SCRN1: variants seen among roughly 807,000 people sequenced by gnomAD.
SCRN1 encodes the protein secernin 1.
Under a neutral mutation model 43.3 loss-of-function variants are expected in SCRN1, and 19 were observed. That is an observed-to-expected ratio of 0.44 (90% CI 0.31 to 0.64). The LOEUF is 0.64. Ranked by LOEUF, SCRN1 falls within the 30% of genes least tolerant of loss-of-function variation. The pLI, the probability that SCRN1 is intolerant of heterozygous loss-of-function variation, is 0.09. For synonymous variants in SCRN1, 183 were observed against 188.9 expected, an observed-to-expected ratio of 0.97 and a Z score of 0.26; for missense variants, 447 against 524.1, an observed-to-expected ratio of 0.85 and a Z score of 1.44.
intron 4 of SCRN1, among the ~76,000 whole-genome samples, chr7:29,941,686 C>T (rs1362717101): frequency 1.3e-5 from 2 of 152,174 alleles, no homozygotes; most frequent in Non-Finnish European, 2.9e-5. Flanking sequence ...ATTCTGAGTA[C>T]ATTTCACTTT....
chr7:29,968,507 T>C lies in SCRN1; in HGVS notation c.159+402A>G, dbSNP rs1788568417. Among the ~76,000 whole-genome samples, 3 of 152,256 alleles carry C rather than the reference T, an allele frequency of 2.0e-5. No individual in the cohort carries two copies. In the South Asian group the frequency reaches 6.2e-4, roughly 32 times the overall value. ...AAAGGGACCAGGATGAATATGCACA[T>C]GTGTGTGTGATTTGTTACATATATA... On this transcript the variant is annotated intron_variant, in intron 2 of 7. Transcript: ENST00000242059.
At chr7:29,925,665 T>C (rs1358348544) in intron 7 of SCRN1, among the ~76,000 whole-genome samples, 3 of 152,140 alleles carry the variant, frequency 2.0e-5, no homozygotes, top group African/African-American at 7.2e-5. Flanking sequence ...ACCAAAGGTG[T>C]GGGACTGGGG....
chr7:29,929,068 G>A (rs1259614754), intron 6 of SCRN1, among the ~76,000 whole-genome samples: 6 of 152,142 alleles, frequency 3.9e-5, no homozygotes, highest in Admixed American at 3.3e-4. Context: ...ACAGACAGGC[G>A]TCCTACCCTT....
At chr7:29,982,436 T>G (rs1789017464) in intron 1 of SCRN1, among the ~76,000 whole-genome samples, 1 of 149,382 alleles carries the variant, frequency 6.7e-6, no homozygotes, top group African/African-American at 2.5e-5. Flanking sequence ...TCACAGTAGT[T>G]TGGGAGGCTG....
chr7:29,975,191 T>C (rs1025491370), intron 1 of SCRN1, among the ~76,000 whole-genome samples: 8 of 152,262 alleles, frequency 5.3e-5, no homozygotes, highest in Non-Finnish European at 8.8e-5. Context: ...AACTTATTTA[T>C]ATTCAGCTTT....
At chr7:29,951,369 G>C (rs1370325732) in intron 3 of SCRN1, among the ~76,000 whole-genome samples, 1 of 152,218 alleles carries the variant, frequency 6.6e-6, no homozygotes, top group Non-Finnish European at 1.5e-5. Context: ...ATGGGATCCA[G>C]GCCAGTAGCA....
chr7:29,983,375 C>T (rs924715609), intron 1 of SCRN1, among the ~76,000 whole-genome samples: 2 of 151,000 alleles, frequency 1.3e-5, no homozygotes, highest in Admixed American at 6.6e-5. Flanking sequence ...GTGGGTGCAG[C>T]GCACCGGCAT....
chr7:29,983,341 T>C (rs1789051921), intron 1 of SCRN1, among the ~76,000 whole-genome samples: 1 of 148,962 alleles, frequency 6.7e-6, no homozygotes, highest in African/African-American at 2.5e-5. Flanking sequence ...TTGGGAGATA[T>C]ACCTAATGCT....
At chr7:29,974,887 T>C (rs965667348) in intron 1 of SCRN1, among the ~76,000 whole-genome samples, 1 of 152,094 alleles carries the variant, frequency 6.6e-6, no homozygotes, top group African/African-American at 2.4e-5. Context: ...TTTCACCATG[T>C]TGGCCAGGCT....
At chr7:29,989,337 C>A (rs11975724) in intron 1 of SCRN1, 24,086 of 156,020 alleles carry the variant, frequency 0.15, 1,959 homozygotes, top group African/African-American at 0.2. Flanking sequence ...AAAAGGAAAC[C>A]CAGGAAGAGC....
chr7:29,968,906 T>C lies in SCRN1; in HGVS notation c.159+3A>G. 1.2e-6 allele frequency: 2 copies of C among 1,614,122 alleles called. No individual in the cohort carries two copies. On this transcript the variant is annotated splice_donor_region_variant and intron_variant, in intron 2 of 7. Transcript: ENST00000242059. ...ACTCGCGAGACTGCAATGCACGGCT[T>C]ACCTCAACCTTGCTCTCCGGTTCGT... is the stretch of plus-strand genomic sequence containing the variant.
chr7:29,978,623 C>T (rs891575990), intron 1 of SCRN1, among the ~76,000 whole-genome samples: 3 of 152,132 alleles, frequency 2.0e-5, no homozygotes, highest in African/African-American at 7.2e-5. Flanking sequence ...GAATTAACCC[C>T]CCATACACAA....
chr7:29,944,327 A>G, intron 3 of SCRN1, 148 bp from the exon 4 acceptor site: 1 of 679,858 alleles, frequency 1.5e-6, no homozygotes, highest in South Asian at 1.8e-5. Context: ...CAAACTGATT[A>G]ACTGCACTGT....
At chr7:29,968,177 G>C (rs575045871) in intron 2 of SCRN1, among the ~76,000 whole-genome samples, 165 of 152,252 alleles carry the variant, frequency 1.1e-3, no homozygotes, top group African/African-American at 3.9e-3. Context: ...GCATAAGGCT[G>C]TTATCCACTT....
At chr7:29,968,691 A>C (rs1452265493) in intron 2 of SCRN1, among the ~76,000 whole-genome samples, 1 of 152,234 alleles carries the variant, frequency 6.6e-6, no homozygotes, top group Admixed American at 6.5e-5. Flanking sequence ...TACATATTTC[A>C]CTTAATTATA....
At chr7:29,927,208 C>A (rs2128086024) in intron 6 of SCRN1, among the ~76,000 whole-genome samples, 1 of 152,250 alleles carries the variant, frequency 6.6e-6, no homozygotes, top group African/African-American at 2.4e-5. Flanking sequence ...TGTGAGAGAG[C>A]TAGCACAGGG....
At chr7:29,928,707 C>A (rs998467479) in intron 6 of SCRN1, among the ~76,000 whole-genome samples, 15 of 152,128 alleles carry the variant, frequency 9.9e-5, no homozygotes, top group Non-Finnish European at 2.2e-4. Context: ...AAAGAAGACC[C>A]CCTAAAGACA....
At chr7:29,936,882 T>C (rs1206472114) in intron 5 of SCRN1, among the ~76,000 whole-genome samples, 161 bp from the exon 6 acceptor site, 2 of 151,680 alleles carry the variant, frequency 1.3e-5, no homozygotes, top group Non-Finnish European at 2.9e-5. Flanking sequence ...CCGTCTGTAC[T>C]AAAAATACAA....
chr7:29,968,870 AAG>A, intron 2 of SCRN1, 37 bp downstream of exon 2: 2 of 1,612,234 alleles, frequency 1.2e-6, no homozygotes, highest in Non-Finnish European at 1.7e-6. Context: ...AGCCAGAGAA[AAG>A]AGAGTGTGAC....
Sources: allele counts gnomAD v4.1 joint callset (sites outside exome capture counted in the v4.1 genomes callset), GRCh38; gene constraint gnomAD v4.1.1; transcripts MANE v1.5; gene names NCBI Gene and HGNC (gene_info 2026-07-23, HGNC 2026-07-21).